Variants in REEP5 observed in about 807,000 individuals in gnomAD.
The protein encoded by REEP5 is receptor expression-enhancing protein 5.
REEP5 carries 24 observed loss-of-function variants against 22.4 expected under a neutral mutation model. The ratio of observed to expected loss-of-function variants is 1.07; its 90% CI spans 0.78 to 1.51. The LOEUF (loss-of-function observed/expected upper bound fraction) is 1.51. Ranked by LOEUF, REEP5 falls within the 40% of genes most tolerant of loss-of-function variation. The pLI, the probability that REEP5 is intolerant of heterozygous loss-of-function variation, is 0.00. For synonymous variants in REEP5, 103 were observed against 88.6 expected (o/e 1.16, Z -0.92); for missense variants, 252 against 233.0 (o/e 1.08, Z -0.53).
chr5:112,906,416 G>A (rs1400943864), intron 2 of REEP5, among the ~76,000 whole-genome samples: 2 of 152,220 alleles, frequency 1.3e-5, no homozygotes, highest in Non-Finnish European at 2.9e-5. Flanking sequence ...CCGGTACAAA[G>A]TAGGCATTTA....
intron 4 of REEP5, among the ~76,000 whole-genome samples, chr5:112,881,797 A>C (rs998734641): frequency 1.3e-5 from 2 of 152,048 alleles, no homozygotes; most frequent in Non-Finnish European, 1.5e-5. Context: ...ACAGGGTCTC[A>C]CTCTGTCACC....
intron 3 of REEP5, among the ~76,000 whole-genome samples, chr5:112,899,318 TTG>T (rs1332766852): frequency 6.6e-6 from 1 of 151,880 alleles, no homozygotes; most frequent in East Asian, 1.9e-4. Context: ...ATTTTTAAAT[TTG>T]TGTGTGTGGA....
In REEP5 at chr5:112,893,014, C is replaced by T. The variant is rs61747099; in HGVS notation, c.352-5831G>A. ...CCGGAGCCAAAGTTCCTCTAGGTGC[C>T]GAAGTCGTGGGAGGAGGAAGTCGGG... On this transcript the variant is annotated intron_variant, in intron 3 of 4. Transcript: ENST00000379638. 9,466 of 1,554,202 alleles carry T rather than the reference C, an allele frequency of 6.1e-3. 491 individuals are homozygous for T. The African/African-American group carries it at 0.11, about 19-fold the overall frequency.
chr5:112,907,613 G>T (rs938094571), intron 2 of REEP5, among the ~76,000 whole-genome samples: 3 of 152,242 alleles, frequency 2.0e-5, no homozygotes, highest in African/African-American at 7.2e-5. Flanking sequence ...GAATCACCAT[G>T]TGTGGAGTTG....
At chr5:112,906,665 C>A (rs1768961827) in intron 2 of REEP5, among the ~76,000 whole-genome samples, 1 of 152,160 alleles carries the variant, frequency 6.6e-6, no homozygotes. Flanking sequence ...CACTGGTCCT[C>A]AAACTTAGAT....
At chr5:112,895,974 C>G (rs1455408793) in intron 3 of REEP5, 1 of 152,262 alleles carries the variant, frequency 6.6e-6, no homozygotes, top group African/African-American at 2.4e-5. Flanking sequence ...TTACGAATTA[C>G]AACAGGCCAT....
In REEP5 at chr5:112,900,896, A is replaced by G. The variant is rs150963918; in HGVS notation, c.351+1484T>C. On this transcript the variant is annotated intron_variant, in intron 3 of 4. Coordinates refer to ENST00000379638, the MANE Select transcript of REEP5 (RefSeq NM_005669.5). Reference sequence around the variant, plus strand: ...TCTGTTGCCTAGGCTGGAGTGCAGTAGTGTGATCTCGGTTCACTGCAACCT... The same window carrying G: ...TCTGTTGCCTAGGCTGGAGTGCAGTGGTGTGATCTCGGTTCACTGCAACCT... Among the ~76,000 whole-genome samples, 1,091 of 151,570 alleles carry G rather than the reference A, an allele frequency of 7.2e-3. 17 individuals are homozygous for G. Among genetic ancestry groups the G allele is most frequent in the African/African-American group, 0.025 (1,023 of 41,276 alleles).
chr5:112,914,855 G>T (rs1392212764), intron 2 of REEP5, among the ~76,000 whole-genome samples: 1 of 152,178 alleles, frequency 6.6e-6, no homozygotes, highest in African/African-American at 2.4e-5. Context: ...CCTGGAATCA[G>T]GAAAGTGTGC....
Position 112,921,065 on chromosome 5 carries a change from CT to C in REEP5, c.212+97del. 4.0e-6 allele frequency: 5 copies of C among 1,238,186 alleles called. No individual in the cohort carries two copies. The South Asian group carries it at 6.7e-5, about 17-fold the overall frequency. The allele number at this position is 1,238,186 out of a possible 1,614,324, so 76.7% of individuals were successfully genotyped here. A position where few individuals can be genotyped will look rare whatever the true frequency, so the allele number is the denominator to read the frequency against. The stretch of plus-strand genomic sequence containing the variant: ...CTCATCCCTCCCCGCCGAGCTTTCA[CT>C]TTTCTCCCGGGAATTGCGGATGTGC... On this transcript the variant is annotated intron_variant, in intron 2 of 4. Transcript: ENST00000379638.
chr5:112,887,114 T>A lies in REEP5; in HGVS notation c.421A>T (p.Ile141Phe). ...TCGTGCTTCAGGAAGAAAGGACGGATGATGCGCTTGTAGAGCAGTTCAGCC... is the reference window on the plus strand; with the variant it reads ...TCGTGCTTCAGGAAGAAAGGACGGAAGATGCGCTTGTAGAGCAGTTCAGCC... ...NGAELLYKRI[I>F]RPFFLKHESQ... Residue 141 changes from isoleucine (I) to phenylalanine (F), a missense_variant, in exon 4 of 5, where the codon ATC becomes TTC. Coordinates refer to ENST00000379638, the MANE Select transcript of REEP5 (RefSeq NM_005669.5). 6.2e-7 allele frequency: 1 copy of A among 1,613,638 alleles called. No individual in the cohort carries two copies. Among genetic ancestry groups the A allele is most frequent in the African/African-American group, 1.3e-5 (1 of 75,034 alleles).
At chr5:112,891,710 A>G in intron 3 of REEP5, 1 of 1,614,146 alleles carries the variant, frequency 6.2e-7, no homozygotes, top group Non-Finnish European at 8.5e-7. Flanking sequence ...CACAAAAAGT[A>G]CAGGGCCGCC....
chr5:112,912,207 C>T (rs1476412921), intron 2 of REEP5, among the ~76,000 whole-genome samples: 1 of 152,106 alleles, frequency 6.6e-6, no homozygotes, highest in Non-Finnish European at 1.5e-5. Context: ...TAATCAGCTC[C>T]ATATACACAT....
chr5:112,907,830 C>T (rs698405), intron 2 of REEP5, among the ~76,000 whole-genome samples: 56,258 of 151,908 alleles, frequency 0.37, 10,827 homozygotes, highest in African/African-American at 0.47. Flanking sequence ...AGGGTATTGA[C>T]AGGGAAAGAT....
intron 4 of REEP5, among the ~76,000 whole-genome samples, chr5:112,879,622 C>G (rs1355754144): frequency 6.6e-6 from 1 of 152,048 alleles, no homozygotes; most frequent in Non-Finnish European, 1.5e-5. Flanking sequence ...TACATGCACT[C>G]ACCACCACGC....
chr5:112,899,855 T>C (rs1174596453), intron 3 of REEP5, among the ~76,000 whole-genome samples: 1 of 152,234 alleles, frequency 6.6e-6, no homozygotes, highest in Non-Finnish European at 1.5e-5. Flanking sequence ...ATGTACATTA[T>C]ACCAACTGAG....
At chr5:112,891,968 GAA>G in intron 3 of REEP5, 3 of 1,235,588 alleles carry the variant, frequency 2.4e-6, no homozygotes, top group Non-Finnish European at 3.6e-6. Flanking sequence ...GAACAAGAGA[GAA>G]AGTTAAAGGA....
In REEP5 at chr5:112,878,772, C is replaced by T; in HGVS notation, c.*14G>A. On this transcript the variant is annotated 3_prime_UTR_variant, in exon 5 of 5. Coordinates refer to ENST00000379638, the MANE Select transcript of REEP5 (RefSeq NM_005669.5). ...AAGGTACAGAGAGGGCAGGAAGTTT[C>T]CATCCAGTCTGGTTTAGGTGCTCTT... 1 of 1,614,086 alleles carries T rather than the reference C, an allele frequency of 6.2e-7. No individual in the cohort carries two copies. The highest frequency in any genetic ancestry group is 8.5e-7 in the Non-Finnish European group (1 of 1,180,008).
rs1767947603 is a variant in REEP5 at position 112,877,975 on chromosome 5, G to T, written c.*811C>A. 7.2e-6 allele frequency: 1 copy of T among 137,948 alleles called. No individual in the cohort carries two copies. Among genetic ancestry groups the T allele is most frequent in the South Asian group, 2.3e-4 (1 of 4,366 alleles). The allele number at this position is 137,948 out of a possible 1,614,324, so 8.5% of individuals were successfully genotyped here. On this transcript the variant is annotated 3_prime_UTR_variant, in exon 5 of 5. Transcript: ENST00000379638. ...TTTTTCAGGGAATTGAGAGTTACAGGTTACTCTGTGTGTGTGTGTGTGTGT... is the reference window on the plus strand; with the variant it reads ...TTTTTCAGGGAATTGAGAGTTACAGTTTACTCTGTGTGTGTGTGTGTGTGT...
At chr5:112,905,983 C>T (rs1768949549) in intron 2 of REEP5, among the ~76,000 whole-genome samples, 1 of 152,134 alleles carries the variant, frequency 6.6e-6, no homozygotes, top group South Asian at 2.1e-4. Context: ...AGTGATTCTC[C>T]AACAAAACAC....
Sources: gnomAD v4.1 joint callset for allele counts (sites outside exome capture counted in the v4.1 genomes callset) on GRCh38, gnomAD v4.1.1 for gene constraint, MANE v1.5 for transcripts, NCBI Gene and HGNC (gene_info 2026-07-23, HGNC 2026-07-21) for gene names.